The following ZDHHC17 variants were observed in gnomAD, a reference collection of about 807,000 sequenced individuals.
The protein encoded by ZDHHC17 is zDHHC palmitoyltransferase 17.
A neutral mutation model predicts 90.3 loss-of-function variants in ZDHHC17; 40 were observed. That is an observed-to-expected ratio of 0.44 (90% confidence interval 0.34 to 0.58). The LOEUF (loss-of-function observed/expected upper bound fraction) is 0.58. Ranked by LOEUF, ZDHHC17 falls within the 20% of genes least tolerant of loss-of-function variation. ZDHHC17 has a pLI of 0.01. For synonymous variants in ZDHHC17, 235 were observed against 252.4 expected (o/e 0.93, Z 0.65); for missense variants, 614 against 780.8 (o/e 0.79, Z 2.55).
Position 76,852,768 on chromosome 12 carries a change from T to C in ZDHHC17, c.*1783T>C, listed in dbSNP as rs1953581107. On this transcript the variant is annotated 3_prime_UTR_variant, in exon 17 of 17. Coordinates refer to ENST00000426126, the MANE Select transcript of ZDHHC17 (RefSeq NM_015336.4). The stretch of plus-strand genomic sequence containing the variant: ...GTTTTAATATTAGAAAATTGGCATA[T>C]GTACTTTATTTTTGAAAAGGGAAGA... 6.6e-6 allele frequency: 1 copy of C among 152,612 alleles called. No individual in the cohort carries two copies. 9.5% of individuals were successfully genotyped at this position (152,612 alleles called of 1,614,324 possible). A position where few individuals can be genotyped will look rare whatever the true frequency, so the allele number is the denominator to read the frequency against.
Position 76,849,382 on chromosome 12 carries a change from T to C in ZDHHC17, c.1672T>C (p.Cys558Arg), listed in dbSNP as rs1367294946. The C allele has an allele frequency of 1.3e-6, 2 of 1,483,316 alleles. No individual in the cohort carries two copies. The highest frequency in any genetic ancestry group is 1.8e-6 in the Non-Finnish European group (2 of 1,099,516). 91.9% of individuals were successfully genotyped at this position (1,483,316 alleles called of 1,614,324 possible). A position where few individuals can be genotyped will look rare whatever the true frequency, so the allele number is the denominator to read the frequency against. ...GCTTTTTCTTTCCTCTTAGATATCATGTTTAGGTATTACTACAAATGAAAG... is the reference window on the plus strand; with the variant it reads ...GCTTTTTCTTTCCTCTTAGATATCACGTTTAGGTATTACTACAAATGAAAG... ...LLMCQMYQIS[C>R]LGITTNERMN... Residue 558 changes from cysteine to arginine, a missense_variant, in exon 16 of 17, where the codon TGT (cysteine) becomes CGT (arginine). Transcript: ENST00000426126.
At position 76,850,828 on chromosome 12, in the gene ZDHHC17, T is replaced by C; in HGVS notation, c.1761-19T>C. The C allele has an allele frequency of 6.2e-7, 1 of 1,609,956 alleles. No homozygotes were observed. The highest frequency in any genetic ancestry group is 1.1e-5 in the South Asian group (1 of 90,424). ...TTTGTACTGACTGACGTGTTTTCTT[T>C]TTGGGGTGCTGTTTTTAGCCATGGA... On this transcript the variant is annotated intron_variant, in intron 16 of 16. Coordinates refer to ENST00000426126, the MANE Select transcript of ZDHHC17 (RefSeq NM_015336.4).
intron 16 of ZDHHC17, 29 bp from the exon 17 acceptor site, chr12:76,850,818 G>T (rs375966738): frequency 6.2e-7 from 1 of 1,607,510 alleles, no homozygotes. Context: ...ACTGACTGAC[G>T]TGTTTTCTTT....
chr12:76,771,992 A>C (rs1026110650), intron 1 of ZDHHC17, among the ~76,000 whole-genome samples: 1 of 152,206 alleles, frequency 6.6e-6, no homozygotes, highest in African/African-American at 2.4e-5. Flanking sequence ...ATTTTCTCCA[A>C]ATGCAGACCA....
intron 1 of ZDHHC17, among the ~76,000 whole-genome samples, chr12:76,782,731 TAAAC>T (rs1318771861): frequency 2.0e-5 from 3 of 152,214 alleles, no homozygotes; most frequent in Admixed American, 6.5e-5. Flanking sequence ...ACTGAAGTGA[TAAAC>T]AACAGATTTT....
At chr12:76,831,770 C>T (rs2137790978) in intron 10 of ZDHHC17, among the ~76,000 whole-genome samples, 1 of 152,304 alleles carries the variant, frequency 6.6e-6, no homozygotes, top group Non-Finnish European at 1.5e-5. Flanking sequence ...CCTCAGCCTC[C>T]TGAGAAGCTA....
chr12:76,795,259 G>GT (rs1471996485), intron 1 of ZDHHC17, among the ~76,000 whole-genome samples: 2 of 149,804 alleles, frequency 1.3e-5, no homozygotes, highest in African/African-American at 5.1e-5. Flanking sequence ...CATTGGTTTT[G>GT]TTTTAAAAAT....
chr12:76,814,087 A>G (rs1222107372), intron 5 of ZDHHC17, among the ~76,000 whole-genome samples: 1 of 152,048 alleles, frequency 6.6e-6, no homozygotes, highest in Non-Finnish European at 1.5e-5. Flanking sequence ...GGTTAATGAG[A>G]CACACATTTC....
chr12:76,795,347 CAT>C (rs1565774253), intron 1 of ZDHHC17, among the ~76,000 whole-genome samples: 1 of 152,034 alleles, frequency 6.6e-6, no homozygotes, highest in Non-Finnish European at 1.5e-5. Context: ...TAACGTTGCA[CAT>C]GTCTTACCCT....
chr12:76,849,294 A>T, intron 15 of ZDHHC17, 82 bp from the exon 16 acceptor site: 1 of 705,634 alleles, frequency 1.4e-6, no homozygotes. Context: ...ATTGCATTTT[A>T]GCCTGGGTGA....
In ZDHHC17 at chr12:76,822,548, AGAT is replaced by A; in HGVS notation, c.897+18_897+20del. ...GCTGATAAGGTAAACTCATAACTGA[AGAT>A]TTTTTTTTTTTTTTTTTTTTGAGAC... On this transcript the variant is annotated intron_variant, in intron 8 of 16. Transcript: ENST00000426126. 2.1e-6 allele frequency: 3 copies of A among 1,429,788 alleles called. No individual in the cohort carries two copies. Among genetic ancestry groups the A allele is most frequent in the East Asian group, 2.6e-5 (1 of 39,208 alleles). 88.6% of individuals were successfully genotyped at this position (1,429,788 alleles called of 1,614,324 possible). A position where few individuals can be genotyped will look rare whatever the true frequency, so the allele number is the denominator to read the frequency against.
intron 5 of ZDHHC17, among the ~76,000 whole-genome samples, chr12:76,813,739 T>C (rs1317344541): frequency 6.6e-6 from 1 of 152,096 alleles, no homozygotes; most frequent in Non-Finnish European, 1.5e-5. Flanking sequence ...AAGAAGAAAC[T>C]TAATATTTAT....
intron 1 of ZDHHC17, among the ~76,000 whole-genome samples, chr12:76,767,959 C>T (rs142475067): frequency 0.015 from 2,303 of 152,036 alleles, 27 homozygotes; most frequent in Non-Finnish European, 0.024. Flanking sequence ...AATGTAGCTT[C>T]TGCAGCTTAC....
intron 16 of ZDHHC17, 47 bp downstream of exon 16, chr12:76,849,517 TTTC>T (rs1953538210): frequency 7.8e-7 from 1 of 1,275,600 alleles, no homozygotes; most frequent in East Asian, 2.6e-5. Context: ...TCATAAAAAT[TTTC>T]TTACTAACCA....
intron 7 of ZDHHC17, among the ~76,000 whole-genome samples, chr12:76,819,358 T>A (rs532298696): frequency 6.6e-6 from 1 of 152,328 alleles, no homozygotes. Context: ...TCTAACCAAA[T>A]TTATTTATAC....
At chr12:76,791,913 T>G (rs1234825673) in intron 1 of ZDHHC17, among the ~76,000 whole-genome samples, 4 of 152,186 alleles carry the variant, frequency 2.6e-5, no homozygotes, top group Non-Finnish European at 5.9e-5. Context: ...AACAGCCAGA[T>G]GAAAGAGATG....
intron 10 of ZDHHC17, among the ~76,000 whole-genome samples, chr12:76,832,567 C>T (rs1004494511): frequency 6.6e-6 from 1 of 152,190 alleles, no homozygotes; most frequent in African/African-American, 2.4e-5. Context: ...ACATGTGTTT[C>T]TGTTTTAAAA....
intron 1 of ZDHHC17, among the ~76,000 whole-genome samples, chr12:76,770,275 A>G (rs956996241): frequency 5.3e-5 from 8 of 152,224 alleles, no homozygotes; most frequent in African/African-American, 2.4e-5. Flanking sequence ...TAGAGTGGCT[A>G]AAATAATTAG....
intron 3 of ZDHHC17, among the ~76,000 whole-genome samples, chr12:76,807,539 A>G (rs543344356): frequency 6.6e-6 from 1 of 152,316 alleles, no homozygotes; most frequent in Non-Finnish European, 1.5e-5. Flanking sequence ...GTTTTGAGCT[A>G]AGGTCTTATA....
Sources: allele counts gnomAD v4.1 joint callset (sites outside exome capture counted in the v4.1 genomes callset), GRCh38; gene constraint gnomAD v4.1.1; transcripts MANE v1.5; gene names NCBI Gene and HGNC (gene_info 2026-07-23, HGNC 2026-07-21).